GTF2A2: variants seen among roughly 807,000 people sequenced by gnomAD.
GTF2A2 encodes transcription initiation factor IIA subunit 2.
In GTF2A2, 9 loss-of-function variants were observed where a neutral mutation model predicts 14.3. That is an observed-to-expected ratio of 0.63 (90% confidence interval 0.38 to 1.10). The LOEUF is 1.10. Ranked by LOEUF, GTF2A2 falls within the 50% of genes least tolerant of loss-of-function variation. GTF2A2 has a pLI of 0.01. For missense variants in GTF2A2, 90 were observed against 124.6 expected (o/e 0.72, Z 1.32); for synonymous variants, 56 against 46.0 (o/e 1.22, Z -0.88).
At chr15:59,648,137 G>A (rs147621138) in intron 3 of GTF2A2, among the ~76,000 whole-genome samples, 1,992 of 151,964 alleles carry the variant, frequency 0.013, 30 homozygotes, top group African/African-American at 0.046. Context: ...GGCCGGGTGC[G>A]GTACCTCACG....
At position 59,641,124 on chromosome 15, in the gene GTF2A2, T is replaced by C. The variant is rs760540870; in HGVS notation, c.304+1012A>G. ...ATCCCAGCACTCTGGGAGAAGGAGG[T>C]GGGAAGGTCACCTGAGCCCAGGAGT... On this transcript the variant is annotated intron_variant, in intron 4 of 4. Coordinates refer to ENST00000396060, the MANE Select transcript of GTF2A2 (RefSeq NM_004492.3). Among the ~76,000 whole-genome samples, 114 of 150,308 alleles carry C rather than the reference T, an allele frequency of 7.6e-4. 1 individual carries two copies. The highest frequency in any genetic ancestry group is 1.3e-3 in the Non-Finnish European group (90 of 67,862).
chr15:59,639,747 C>A (rs536803624), intron 4 of GTF2A2, among the ~76,000 whole-genome samples: 1 of 150,860 alleles, frequency 6.6e-6, no homozygotes, highest in Non-Finnish European at 1.5e-5. Context: ...TGTGAGCCAC[C>A]GTGCCTGGCA....
At chr15:59,642,882 T>A (rs1203874685) in intron 3 of GTF2A2, among the ~76,000 whole-genome samples, 1 of 152,070 alleles carries the variant, frequency 6.6e-6, no homozygotes, top group Non-Finnish European at 1.5e-5. Context: ...TTCTCCTACC[T>A]CAGCCTCCCA....
At chr15:59,647,016 CTATAAT>C (rs1322968048) in intron 3 of GTF2A2, among the ~76,000 whole-genome samples, 3 of 150,474 alleles carry the variant, frequency 2.0e-5, no homozygotes, top group Admixed American at 6.7e-5. Flanking sequence ...TACATATACT[CTATAAT>C]TATATAATTA....
intron 1 of GTF2A2, among the ~76,000 whole-genome samples, chr15:59,652,545 G>A (rs147604787): frequency 3.2e-4 from 49 of 152,042 alleles, no homozygotes; most frequent in African/African-American, 1.0e-3. Context: ...ACTCCTTTAT[G>A]CAGTATAGCT....
At chr15:59,647,997 G>C (rs1258854775) in intron 3 of GTF2A2, among the ~76,000 whole-genome samples, 1 of 152,156 alleles carries the variant, frequency 6.6e-6, no homozygotes, top group East Asian at 1.9e-4. Flanking sequence ...TTTTTGGGGG[G>C]TGTGGCATTA....
intron 4 of GTF2A2, among the ~76,000 whole-genome samples, chr15:59,641,594 A>G (rs1444678623): frequency 2.0e-5 from 3 of 150,206 alleles, no homozygotes; most frequent in African/African-American, 7.6e-5. Flanking sequence ...TAATCATGAA[A>G]CAGAAATTAG....
At chr15:59,655,665 G>A (rs2141969500) in intron 1 of GTF2A2, among the ~76,000 whole-genome samples, 1 of 152,216 alleles carries the variant, frequency 6.6e-6, no homozygotes, top group Middle Eastern at 3.4e-3. Context: ...TTATTCTCAT[G>A]GTTTAAGTAC....
chr15:59,639,819 C>A (rs1459757957), intron 4 of GTF2A2, among the ~76,000 whole-genome samples: 1 of 151,970 alleles, frequency 6.6e-6, no homozygotes, highest in East Asian at 1.9e-4. Context: ...AGCGCAATCT[C>A]AGCTCACTGC....
intron 3 of GTF2A2, among the ~76,000 whole-genome samples, chr15:59,650,000 G>C (rs1239670587): frequency 2.6e-5 from 4 of 152,138 alleles, no homozygotes; most frequent in Non-Finnish European, 5.9e-5. Context: ...TAAATAATAA[G>C]CAAACATCAT....
In GTF2A2 at chr15:59,639,120, T is replaced by C. The variant is rs1566921802; in HGVS notation, c.*12A>G. 1 of 1,395,560 alleles carries C rather than the reference T, an allele frequency of 7.2e-7. No homozygotes were observed. The highest frequency in any genetic ancestry group is 2.3e-5 in the East Asian group (1 of 43,492). The allele number at this position is 1,395,560 out of a possible 1,614,324, so 86.4% of individuals were successfully genotyped here. ...AACAGAAGATGGTGTAAAAAAGTCATATTTTTTCTATTCATTCTGTAGTAT... is the reference window on the plus strand; with the variant it reads ...AACAGAAGATGGTGTAAAAAAGTCACATTTTTTCTATTCATTCTGTAGTAT... On this transcript the variant is annotated 3_prime_UTR_variant, in exon 5 of 5. Coordinates refer to ENST00000396060, the MANE Select transcript of GTF2A2 (RefSeq NM_004492.3).
At chr15:59,653,632 C>A (rs1353552984) in intron 1 of GTF2A2, among the ~76,000 whole-genome samples, 1 of 152,096 alleles carries the variant, frequency 6.6e-6, no homozygotes, top group Admixed American at 6.6e-5. Context: ...TTACCTCATC[C>A]AGACTTACGG....
At chr15:59,639,286 A>G (rs546480437) in intron 4 of GTF2A2, 129 bp from the exon 5 acceptor site, 8 of 686,196 alleles carry the variant, frequency 1.2e-5, no homozygotes, top group Admixed American at 2.3e-5. Context: ...AGGGTGGGGA[A>G]GAACAGGAGG....
chr15:59,647,008 CATAT>C (rs1436129825), intron 3 of GTF2A2, among the ~76,000 whole-genome samples: 2 of 149,872 alleles, frequency 1.3e-5, no homozygotes. Context: ...ACTATATATA[CATAT>C]ACTCTATAAT....
intron 3 of GTF2A2, 75 bp from the exon 4 acceptor site, chr15:59,642,337 A>C: frequency 7.7e-7 from 1 of 1,292,628 alleles, no homozygotes. Context: ...AATTTAAGAG[A>C]TCTTAGCTAC....
chr15:59,654,447 A>G (rs1272421328), intron 1 of GTF2A2, among the ~76,000 whole-genome samples: 7 of 152,224 alleles, frequency 4.6e-5, no homozygotes, highest in African/African-American at 1.7e-4. Context: ...AAGGCCTTCT[A>G]TAATCAACCT....
chr15:59,639,679 C>T (rs902522107), intron 4 of GTF2A2, among the ~76,000 whole-genome samples: 1 of 151,884 alleles, frequency 6.6e-6, no homozygotes, highest in East Asian at 1.9e-4. Flanking sequence ...AGGATGGTCT[C>T]GATCTCCTGA....
chr15:59,657,289 G>A (rs1037263583), intron 1 of GTF2A2, 117 bp downstream of exon 1: 1 of 152,310 alleles, frequency 6.6e-6, no homozygotes, highest in Admixed American at 6.5e-5. Context: ...GTAACGGGCA[G>A]ATCCCAGGAG....
chr15:59,640,991 C>T (rs1325482494), intron 4 of GTF2A2, among the ~76,000 whole-genome samples: 1 of 152,170 alleles, frequency 6.6e-6, no homozygotes, highest in African/African-American at 2.4e-5. Context: ...CTGCTAGGTT[C>T]AGAGACTTTC....
Sources: gnomAD v4.1 joint callset for allele counts (sites outside exome capture counted in the v4.1 genomes callset) on GRCh38, gnomAD v4.1.1 for gene constraint, MANE v1.5 for transcripts, NCBI Gene and HGNC (gene_info 2026-07-23, HGNC 2026-07-21) for gene names.